Variants in USP26 observed in about 807,000 individuals in gnomAD.
USP26 encodes the protein ubiquitin carboxyl-terminal hydrolase 26.
For synonymous variants in USP26, 236 were observed against 240.6 expected (o/e 0.98, Z 0.18); for missense variants, 649 against 642.3 (o/e 1.01, Z -0.11).
At chrX:133,073,352 A>C (rs1244776054) in intron 5 of USP26, among the ~76,000 whole-genome samples, 1 of 109,704 alleles carries the variant, frequency 9.1e-6, no homozygotes, top group African/African-American at 3.3e-5. Flanking sequence ...AAAAAAAAAA[A>C]AAAAACCACT....
chrX:133,047,279 T>A (rs2067444020), intron 5 of USP26, among the ~76,000 whole-genome samples: 1 of 112,392 alleles, frequency 8.9e-6, no homozygotes, highest in Admixed American at 9.4e-5. Context: ...ATCTTCTCCA[T>A]GAATGTGTCC....
intron 4 of USP26, among the ~76,000 whole-genome samples, chrX:133,087,143 C>T (rs1479136949): frequency 9.0e-6 from 1 of 110,765 alleles, no homozygotes; most frequent in Non-Finnish European, 1.9e-5. Flanking sequence ...GAAATATACG[C>T]CATGGAGACC....
rs758856788 is a variant in USP26 at position 133,044,407 on chromosome X, C to T, written c.-76-16111G>A. Among the ~76,000 whole-genome samples, 19 of 113,034 alleles carry T rather than the reference C, an allele frequency of 1.7e-4. No homozygotes were observed. In the South Asian group the frequency reaches 1.8e-3, roughly 11 times the overall value. On this transcript the variant is annotated intron_variant, in intron 5 of 5. Coordinates refer to ENST00000511190, the MANE Select transcript of USP26 (RefSeq NM_031907.3). ...GGCATGGGCGGGAACCGGGGCTGCA[C>T]GCAGTGCTTGCGGGCCAGCTAGAGT...
rs1389173467 is a variant in USP26, at chrX:133,026,403, C to A, written c.1818G>T (p.Lys606Asn). The change falls in exon 6 of 6, where the codon AAG becomes AAT. Residue 606 changes from lysine (K) to asparagine (N), a missense_variant. By Grantham distance (94) the Lys-to-Asn change is moderately conservative. Transcript: ENST00000511190. ...TCTGGCCTTTTTTTTGTTCAGACTCCTTATCTGATCCAATGTGTGGAGCCA... is the reference window on the plus strand; with the variant it reads ...TCTGGCCTTTTTTTTGTTCAGACTCATTATCTGATCCAATGTGTGGAGCCA... ...DILAPHIGSDKESEQKKGQTV... is the reference protein window; with the variant it reads ...DILAPHIGSDNESEQKKGQTV... 2 of 1,207,515 alleles carry A rather than the reference C, an allele frequency of 1.7e-6. No homozygotes were observed. Among genetic ancestry groups the A allele is most frequent in the Non-Finnish European group, 2.2e-6 (2 of 894,472 alleles).
At chrX:133,043,483 T>C (rs912166295) in intron 5 of USP26, among the ~76,000 whole-genome samples, 4 of 112,867 alleles carry the variant, frequency 3.5e-5, no homozygotes, top group Non-Finnish European at 7.5e-5. Flanking sequence ...GATCCTGCTA[T>C]ACTGTGCTCT....
At chrX:133,047,678 G>A (rs1310495812) in intron 5 of USP26, among the ~76,000 whole-genome samples, 1 of 111,497 alleles carries the variant, frequency 9.0e-6, no homozygotes, top group Non-Finnish European at 1.9e-5. Flanking sequence ...GTGGTTTGGG[G>A]GAGGTGATTA....
Position 133,027,406 on chromosome X carries a change from T to C in USP26, c.815A>G (p.Tyr272Cys). The C allele has an allele frequency of 8.3e-7, 1 of 1,211,604 alleles. No individual in the cohort carries two copies. Among genetic ancestry groups the C allele is most frequent in the Non-Finnish European group, 1.1e-6 (1 of 895,251 alleles). The change falls in exon 6 of 6, where the codon TAT becomes TGT. Residue 272 changes from tyrosine (Y) to cysteine (C), a missense_variant. Physicochemically the swap from Tyr to Cys is radical, Grantham distance 194. Transcript: ENST00000511190. ...MVLVFLLQQG[Y>C]SDGYTKWDKL... ...ATCCCACTTTGTGTAACCGTCACTATACCCTTGTTGTAACAGAAATACCAA... is the reference window on the plus strand; with the variant it reads ...ATCCCACTTTGTGTAACCGTCACTACACCCTTGTTGTAACAGAAATACCAA...
At chrX:133,049,861 T>C (rs12690153) in intron 5 of USP26, among the ~76,000 whole-genome samples, 3,876 of 112,208 alleles carry the variant, frequency 0.035, 100 homozygotes, top group East Asian at 0.099. Context: ...TGATGTCTAC[T>C]TCAGGCAGCA....
In USP26 at chrX:133,031,158, G is replaced by A. The variant is rs374392696; in HGVS notation, c.-76-2862C>T. ...AAGATATACTGAGAAATCCCGCTAA[G>A]TTACCTAAGCAAATCTCACGGAATA... On this transcript the variant is annotated intron_variant, in intron 5 of 5. Transcript: ENST00000511190. Among the ~76,000 whole-genome samples, 300 of 111,940 alleles carry A rather than the reference G, an allele frequency of 2.7e-3. 2 individuals carry two copies. The highest frequency in any genetic ancestry group is 9.3e-3 in the African/African-American group (287 of 30,884).
At chrX:133,095,116 GAAAGAAAGAAAAGA>G (rs1245602803) in intron 1 of USP26, among the ~76,000 whole-genome samples, 1 of 95,348 alleles carries the variant, frequency 1.0e-5, no homozygotes, top group Non-Finnish European at 2.2e-5. Context: ...AAAAAAGAAA[GAAAGAAAGAAAAGA>G]AAAGAAAAGA....
chrX:133,089,557 G>A (rs1160149793), intron 4 of USP26, among the ~76,000 whole-genome samples: 1 of 111,510 alleles, frequency 9.0e-6, no homozygotes, highest in Non-Finnish European at 1.9e-5. Context: ...CCCAAGAGAA[G>A]ACAGTATAAT....
intron 5 of USP26, among the ~76,000 whole-genome samples, chrX:133,036,845 T>C (rs1475521617): frequency 8.9e-6 from 1 of 112,398 alleles, no homozygotes; most frequent in Non-Finnish European, 1.9e-5. Flanking sequence ...CATCTGTTGT[T>C]TCCAGACTTT....
intron 5 of USP26, among the ~76,000 whole-genome samples, chrX:133,058,752 A>T (rs1407632673): frequency 8.9e-6 from 1 of 111,883 alleles, no homozygotes; most frequent in African/African-American, 3.2e-5. Context: ...GTGATTATTG[A>T]CATAGATGGA....
intron 2 of USP26, among the ~76,000 whole-genome samples, chrX:133,091,006 T>C (rs773768506): frequency 8.9e-5 from 10 of 111,795 alleles, no homozygotes; most frequent in Non-Finnish European, 1.7e-4. Flanking sequence ...AGTGTGAAAA[T>C]ACTATGTTAG....
intron 5 of USP26, among the ~76,000 whole-genome samples, chrX:133,057,866 ATTTTTTTT>A (rs59814007): frequency 2.1e-4 from 2 of 9,334 alleles, no homozygotes; most frequent in Non-Finnish European, 3.2e-4. Flanking sequence ...ATATATATAT[ATTTTTTTT>A]TTTTTTTTTT....
At chrX:133,047,499 T>C (rs1173556969) in intron 5 of USP26, among the ~76,000 whole-genome samples, 1 of 112,395 alleles carries the variant, frequency 8.9e-6, no homozygotes, top group Non-Finnish European at 1.9e-5. Flanking sequence ...TCAACATTGC[T>C]TTACTATTCC....
chrX:133,095,116 GAAAGAAAGA>G (rs2067624536), intron 1 of USP26, among the ~76,000 whole-genome samples: 1 of 95,348 alleles, frequency 1.0e-5, no homozygotes, highest in African/African-American at 3.7e-5. Context: ...AAAAAAGAAA[GAAAGAAAGA>G]AAAGAAAAGA....
intron 1 of USP26, among the ~76,000 whole-genome samples, chrX:133,095,108 A>AG (rs1386485859): frequency 3.8e-4 from 39 of 102,802 alleles, no homozygotes; most frequent in East Asian, 6.8e-4. Flanking sequence ...AAAAAAAAAA[A>AG]AAAGAAAGAA....
chrX:133,085,838 G>GA (rs1398423585), intron 4 of USP26, among the ~76,000 whole-genome samples: 13 of 105,667 alleles, frequency 1.2e-4, no homozygotes, highest in East Asian at 5.9e-4. Flanking sequence ...AATTGATGAG[G>GA]AAAAAAAAAA....
Sources: gnomAD v4.1 joint callset for allele counts (sites outside exome capture counted in the v4.1 genomes callset) on GRCh38, gnomAD v4.1.1 for gene constraint, MANE v1.5 for transcripts, NCBI Gene and HGNC (gene_info 2026-07-23, HGNC 2026-07-21) for gene names.